Variants in EPB41L2 observed in about 807,000 individuals in gnomAD.
EPB41L2 encodes the protein erythrocyte membrane protein band 4.1 like 2.
Under a neutral mutation model 113.0 loss-of-function variants are expected in EPB41L2, and 43 were observed. The observed-to-expected ratio is 0.38, with a 90% CI of 0.30 to 0.49. The LOEUF (loss-of-function observed/expected upper bound fraction) is 0.49. Ranked by LOEUF, EPB41L2 falls within the 20% of genes least tolerant of loss-of-function variation. The pLI is 0.95. For synonymous variants in EPB41L2, 442 were observed against 436.7 expected (o/e 1.01, Z -0.15); for missense variants, 1,147 against 1,223.4 (o/e 0.94, Z 0.93).
In EPB41L2 at chr6:130,888,015, G is replaced by C. The variant is rs1477951433; in HGVS notation, c.1660+2279C>G. ...CTTTTCACTTGCTATGTAATCATAA[G>C]AGGATTTATTTTAATTTGCCAAACT... On this transcript the variant is annotated intron_variant, in intron 11 of 19. Coordinates refer to ENST00000337057, the MANE Select transcript of EPB41L2 (RefSeq NM_001431.4). 3.3e-5 allele frequency among the ~76,000 whole-genome samples: 5 copies of C among 152,130 alleles called. No homozygotes were observed. In the East Asian group the frequency reaches 7.7e-4, roughly 23 times the overall value.
chr6:131,009,613 C>T (rs1333659252), intron 1 of EPB41L2, among the ~76,000 whole-genome samples: 1 of 151,686 alleles, frequency 6.6e-6, no homozygotes, highest in East Asian at 1.9e-4. Context: ...AATCCAACCA[C>T]AGCTATCCTC....
intron 1 of EPB41L2, among the ~76,000 whole-genome samples, chr6:130,958,948 T>A (rs1032602024): frequency 1.3e-5 from 2 of 152,204 alleles, no homozygotes; most frequent in Non-Finnish European, 2.9e-5. Flanking sequence ...AAGAAAAGAC[T>A]GAAGCAGAAA....
chr6:130,857,031 A>G (rs940407231), intron 19 of EPB41L2, among the ~76,000 whole-genome samples: 3 of 152,168 alleles, frequency 2.0e-5, no homozygotes, highest in African/African-American at 7.2e-5. Context: ...TTGTAGGTGA[A>G]TATTTGTATA....
In EPB41L2 at chr6:130,890,472, G is replaced by T; in HGVS notation, c.1488-6C>A. On this transcript the variant is annotated splice_polypyrimidine_tract_variant and splice_region_variant and intron_variant, in intron 10 of 19. Transcript: ENST00000337057. Reference sequence around the variant, plus strand: ...GCTGCTCTGGAGAAACAAGCCTATGGGAGGAAAAAAAAAAAAAAAGAGAGA... The same window carrying T: ...GCTGCTCTGGAGAAACAAGCCTATGTGAGGAAAAAAAAAAAAAAAGAGAGA... The T allele has an allele frequency of 6.6e-7, 1 of 1,514,462 alleles. No individual in the cohort carries two copies. Among genetic ancestry groups the T allele is most frequent in the South Asian group, 1.2e-5 (1 of 81,562 alleles). 93.8% of individuals were successfully genotyped at this position (1,514,462 alleles called of 1,614,324 possible).
intron 14 of EPB41L2, chr6:130,876,866 G>A (rs1787736433): frequency 1.5e-6 from 1 of 662,342 alleles, no homozygotes; most frequent in Non-Finnish European, 2.2e-6. Flanking sequence ...CCCAGTGTGG[G>A]TCAATGACAC....
intron 8 of EPB41L2, among the ~76,000 whole-genome samples, chr6:130,898,679 G>A (rs900393335): frequency 2.0e-5 from 3 of 151,806 alleles, no homozygotes; most frequent in African/African-American, 7.3e-5. Context: ...TGTGACTCTC[G>A]TTAGTATACC....
intron 4 of EPB41L2, among the ~76,000 whole-genome samples, chr6:130,925,597 C>T (rs1012236791): frequency 1.3e-5 from 2 of 152,186 alleles, no homozygotes; most frequent in Non-Finnish European, 2.9e-5. Flanking sequence ...ATATTATATG[C>T]TCCTATGAAT....
intron 1 of EPB41L2, among the ~76,000 whole-genome samples, chr6:130,979,818 G>A (rs758521418): frequency 3.9e-5 from 6 of 152,172 alleles, no homozygotes; most frequent in African/African-American, 1.4e-4. Flanking sequence ...GTGGAAATCC[G>A]AAGATGGTTG....
chr6:130,847,899 T>C (rs1000130745), intron 19 of EPB41L2, among the ~76,000 whole-genome samples: 9 of 152,306 alleles, frequency 5.9e-5, no homozygotes, highest in Admixed American at 1.3e-4. Context: ...CTCCACTCAG[T>C]ATACTCTATT....
chr6:131,021,317 A>G (rs532595214), intron 1 of EPB41L2, among the ~76,000 whole-genome samples: 2 of 152,104 alleles, frequency 1.3e-5, no homozygotes, highest in African/African-American at 4.8e-5. Context: ...ACATTTAAAA[A>G]CCCACATAAA....
intron 1 of EPB41L2, among the ~76,000 whole-genome samples, chr6:131,016,522 TCCA>T (rs1788255041): frequency 9.9e-6 from 1 of 100,792 alleles, no homozygotes; most frequent in South Asian, 3.5e-4. Flanking sequence ...ACACACACAC[TCCA>T]CCAGGCTGGT....
chr6:130,992,502 ACCAAATC>A (rs1782121667), intron 1 of EPB41L2, among the ~76,000 whole-genome samples: 1 of 152,120 alleles, frequency 6.6e-6, no homozygotes, highest in Non-Finnish European at 1.5e-5. Context: ...ACAGCTACAA[ACCAAATC>A]CCAGTAAAAC....
intron 1 of EPB41L2, among the ~76,000 whole-genome samples, chr6:131,053,825 C>A (rs76720662): frequency 1.4e-4 from 21 of 152,224 alleles, no homozygotes; most frequent in Admixed American, 2.6e-4. Context: ...CGACCTCCAA[C>A]GTTTCTCCCT....
chr6:130,908,631 C>A (rs1247034885), intron 5 of EPB41L2, among the ~76,000 whole-genome samples, 190 bp downstream of exon 5: 1 of 152,122 alleles, frequency 6.6e-6, no homozygotes, highest in Admixed American at 6.5e-5. Flanking sequence ...GAGTCTAGAA[C>A]CTTCCCAAAA....
intron 1 of EPB41L2, among the ~76,000 whole-genome samples, chr6:131,011,706 C>T (rs750742299): frequency 2.0e-5 from 3 of 152,154 alleles, no homozygotes; most frequent in Non-Finnish European, 4.4e-5. Context: ...CCACCCCAAG[C>T]CAAGGTAGTT....
At chr6:130,995,899 C>A (rs1442090462) in intron 1 of EPB41L2, among the ~76,000 whole-genome samples, 1 of 152,152 alleles carries the variant, frequency 6.6e-6, no homozygotes, top group Non-Finnish European at 1.5e-5. Flanking sequence ...CCCACTGTCC[C>A]CTAAAATTCC....
intron 19 of EPB41L2, among the ~76,000 whole-genome samples, chr6:130,841,396 T>C (rs1191875684): frequency 6.6e-6 from 1 of 152,034 alleles, no homozygotes; most frequent in Non-Finnish European, 1.5e-5. Context: ...GAGGTTGGGA[T>C]CGTTTCTTCT....
chr6:130,863,958 A>C (rs1782927119), intron 17 of EPB41L2, among the ~76,000 whole-genome samples: 1 of 151,944 alleles, frequency 6.6e-6, no homozygotes, highest in African/African-American at 2.4e-5. Context: ...CAACCTTAAA[A>C]CTCATTTATC....
chr6:131,024,337 G>A (rs1790338835), intron 1 of EPB41L2, among the ~76,000 whole-genome samples: 1 of 152,174 alleles, frequency 6.6e-6, no homozygotes, highest in South Asian at 2.1e-4. Flanking sequence ...ATGGTTAAGA[G>A]TGTGGCAGAG....
Sources: allele counts gnomAD v4.1 joint callset (sites outside exome capture counted in the v4.1 genomes callset), GRCh38; gene constraint gnomAD v4.1.1; transcripts MANE v1.5; gene names NCBI Gene and HGNC (gene_info 2026-07-23, HGNC 2026-07-21).